GLRA1: variants seen among roughly 807,000 people sequenced by gnomAD.
The protein encoded by GLRA1 is glycine receptor subunit alpha-1.
In GLRA1, 37 loss-of-function variants were observed where a neutral mutation model predicts 48.3. That is an observed-to-expected ratio of 0.77 (90% confidence interval 0.59 to 1.01). The LOEUF (loss-of-function observed/expected upper bound fraction) is 1.01. GLRA1 is among the 50% of genes least tolerant of loss of function. GLRA1 has a pLI of 0.00. For synonymous variants in GLRA1, 196 were observed against 210.7 expected (o/e 0.93, Z 0.60); for missense variants, 427 against 571.0 (o/e 0.75, Z 2.57).
At chr5:151,924,439 G>T in intron 1 of GLRA1, 55 bp downstream of exon 1, 1 of 1,078,726 alleles carries the variant, frequency 9.3e-7, no homozygotes, top group Non-Finnish European at 1.4e-6. Flanking sequence ...GGTAGCCTCC[G>T]TACTCTTTCC....
intron 1 of GLRA1, among the ~76,000 whole-genome samples, chr5:151,908,653 CTTG>C (rs1394241545): frequency 6.6e-6 from 1 of 151,918 alleles, no homozygotes; most frequent in African/African-American, 2.4e-5. Flanking sequence ...TCTCCCCTTT[CTTG>C]TTTTTTTTTT....
At chr5:151,901,220 A>G (rs1265372158) in intron 1 of GLRA1, among the ~76,000 whole-genome samples, 2 of 152,126 alleles carry the variant, frequency 1.3e-5, no homozygotes, top group African/African-American at 2.4e-5. Flanking sequence ...TTATGTCCTT[A>G]TTTATAATGC....
At chr5:151,871,860 G>A (rs939416115) in intron 3 of GLRA1, among the ~76,000 whole-genome samples, 4 of 149,812 alleles carry the variant, frequency 2.7e-5, no homozygotes, top group South Asian at 2.1e-4. Flanking sequence ...CACCGCGCCC[G>A]GCCGTGAGAC....
At chr5:151,866,408 A>G (rs1237815641) in intron 3 of GLRA1, among the ~76,000 whole-genome samples, 1 of 152,080 alleles carries the variant, frequency 6.6e-6, no homozygotes, top group Non-Finnish European at 1.5e-5. Context: ...ACCTCTCCTA[A>G]TAAACTCCTC....
intron 3 of GLRA1, among the ~76,000 whole-genome samples, chr5:151,881,492 A>ATTTTT (rs3033233): frequency 8.6e-6 from 1 of 116,858 alleles, no homozygotes; most frequent in Non-Finnish European, 1.7e-5. Context: ...ATGCCCTGCA[A>ATTTTT]TTTTTTTTTT....
rs1031466353 is a variant in GLRA1 at position 151,822,624 on chromosome 5, G to T, written c.*49C>A. ...CTTCCTTAGTCTCTCAGATTCCTGT[G>T]CTATTCCCACGTTCCCCTCTCCCAG... On this transcript the variant is annotated 3_prime_UTR_variant, in exon 9 of 9. Transcript: ENST00000274576. The T allele has an allele frequency of 1.6e-6, 2 of 1,268,798 alleles. No individual in the cohort carries two copies. 78.6% of individuals were successfully genotyped at this position (1,268,798 alleles called of 1,614,324 possible).
At chr5:151,895,612 G>GGT (rs1210697620) in intron 1 of GLRA1, among the ~76,000 whole-genome samples, 9 of 142,016 alleles carry the variant, frequency 6.3e-5, no homozygotes, top group African/African-American at 1.9e-4. Context: ...CTTGCAGCAT[G>GGT]GTGTGTGTGT....
At position 151,856,384 on chromosome 5, in the gene GLRA1, C is replaced by G. The variant is rs762864856; in HGVS notation, c.477-1G>C. 1.9e-6 allele frequency: 3 copies of G among 1,604,734 alleles called. No homozygotes were observed. The highest frequency in any genetic ancestry group is 2.2e-5 in the East Asian group (1 of 44,806). ...GGGGCAGGCCAGTGTCAGGGTGATT[C>G]TGGGAAGAGAAGGGATTTTGAATGA... is the stretch of plus-strand genomic sequence containing the variant. On this transcript the variant is annotated splice_acceptor_variant, in intron 4 of 8. Coordinates refer to ENST00000274576, the MANE Select transcript of GLRA1 (RefSeq NM_000171.4). LOFTEE classifies it high-confidence loss of function.
intron 8 of GLRA1, among the ~76,000 whole-genome samples, chr5:151,825,341 C>T (rs1325121453): frequency 1.3e-5 from 2 of 152,116 alleles, no homozygotes; most frequent in East Asian, 1.9e-4. Flanking sequence ...GACCTAGTTA[C>T]GTAGGGGGAA....
At chr5:151,870,612 A>T (rs1340897908) in intron 3 of GLRA1, among the ~76,000 whole-genome samples, 1 of 149,816 alleles carries the variant, frequency 6.7e-6, no homozygotes, top group Non-Finnish European at 1.5e-5. Context: ...TATGTGGGAC[A>T]TTCATTCTGT....
rs562636493 is a variant in GLRA1, at chr5:151,870,639, G to A, written c.253-10631C>T. Among the ~76,000 whole-genome samples the A allele has an allele frequency of 7.3e-5, 11 of 149,774 alleles. 1 individual carries two copies. The South Asian group carries it at 1.7e-3, about 23-fold the overall frequency. On this transcript the variant is annotated intron_variant, in intron 3 of 8. Transcript: ENST00000274576. ...TCATTCTGTAGCATAAGAAAGGGCCGTTCAAGTAGGAGGAATTTGGCAATT... is the reference window on the plus strand; with the variant it reads ...TCATTCTGTAGCATAAGAAAGGGCCATTCAAGTAGGAGGAATTTGGCAATT...
At chr5:151,823,737 C>A (rs1763202859) in intron 8 of GLRA1, among the ~76,000 whole-genome samples, 1 of 152,194 alleles carries the variant, frequency 6.6e-6, no homozygotes, top group African/African-American at 2.4e-5. Context: ...AGATACTTTG[C>A]AGCCCTCCAG....
chr5:151,887,707 G>A (rs1753947083), intron 2 of GLRA1, among the ~76,000 whole-genome samples: 1 of 152,196 alleles, frequency 6.6e-6, no homozygotes, highest in Non-Finnish European at 1.5e-5. Flanking sequence ...GAGGAAGGAA[G>A]GGGCATGCTC....
chr5:151,829,688 G>C (rs994872727), intron 7 of GLRA1, among the ~76,000 whole-genome samples: 2 of 152,234 alleles, frequency 1.3e-5, no homozygotes, highest in Non-Finnish European at 2.9e-5. Context: ...ACACATATGT[G>C]CAATCATCAT....
chr5:151,865,052 G>C (rs574613845), intron 3 of GLRA1, among the ~76,000 whole-genome samples: 4 of 152,188 alleles, frequency 2.6e-5, no homozygotes, highest in Admixed American at 2.6e-4. Context: ...AGTTAGGCTA[G>C]ATGGTCTCTA....
chr5:151,887,158 A>C (rs1289528645), intron 2 of GLRA1, among the ~76,000 whole-genome samples: 5 of 152,222 alleles, frequency 3.3e-5, no homozygotes, highest in Admixed American at 3.3e-4. Flanking sequence ...TTTGGAGGCC[A>C]TCTTGGGAAT....
At chr5:151,895,619 G>T (rs916943544) in intron 1 of GLRA1, among the ~76,000 whole-genome samples, 1 of 129,272 alleles carries the variant, frequency 7.7e-6, no homozygotes, top group Non-Finnish European at 1.7e-5. Flanking sequence ...CATGGTGTGT[G>T]TGTGTCTGTG....
At chr5:151,877,438 A>G (rs542214237) in intron 3 of GLRA1, among the ~76,000 whole-genome samples, 2 of 152,350 alleles carry the variant, frequency 1.3e-5, no homozygotes, top group South Asian at 4.1e-4. Flanking sequence ...ATTAATTAAT[A>G]AATGGAGTGG....
intron 1 of GLRA1, among the ~76,000 whole-genome samples, chr5:151,900,372 G>A (rs1433069124): frequency 6.6e-6 from 1 of 152,174 alleles, no homozygotes; most frequent in Admixed American, 6.5e-5. Context: ...CTATTTGCCC[G>A]ATGAGGGGGT....
Sources: gnomAD v4.1 joint callset for allele counts (sites outside exome capture counted in the v4.1 genomes callset) on GRCh38, gnomAD v4.1.1 for gene constraint, MANE v1.5 for transcripts, NCBI Gene and HGNC (gene_info 2026-07-23, HGNC 2026-07-21) for gene names.